The following YIPF5 variants were observed in gnomAD, a reference collection of about 807,000 sequenced individuals.
The protein encoded by YIPF5 is protein YIPF5.
In YIPF5, 8 loss-of-function variants were observed where a neutral mutation model predicts 30.4. The ratio of observed to expected loss-of-function variants is 0.26; its 90% CI spans 0.15 to 0.47. YIPF5 has a LOEUF of 0.47. Ranked by LOEUF, YIPF5 falls within the 20% of genes least tolerant of loss-of-function variation. The pLI, the probability that YIPF5 is intolerant of heterozygous loss-of-function variation, is 0.99. For missense variants in YIPF5, 282 were observed against 301.8 expected, an observed-to-expected ratio of 0.93 and a Z score of 0.49; for synonymous variants, 104 against 107.9, an observed-to-expected ratio of 0.96 and a Z score of 0.23.
chr5:144,163,751 T>C (rs1752117743), intron 4 of YIPF5: 1 of 154,866 alleles, frequency 6.5e-6, no homozygotes, highest in African/African-American at 2.6e-5. Flanking sequence ...GTTTAGAGAT[T>C]TTTAAAAAAA....
chr5:144,167,956 G>A lies in YIPF5; in HGVS notation c.110+1890C>T, dbSNP rs77295833. On this transcript the variant is annotated intron_variant, in intron 2 of 5. Coordinates refer to ENST00000274496, the MANE Select transcript of YIPF5 (RefSeq NM_030799.9). ...AGATTGCAGATCTACTTGAAGGTAC[G>A]CACAGAAGAGTCCAGTTTTTACAAA... is the stretch of plus-strand genomic sequence containing the variant. 4.9e-3 allele frequency among the ~76,000 whole-genome samples: 747 copies of A among 152,274 alleles called. 7 individuals carry two copies. The highest frequency in any genetic ancestry group is 0.017 in the African/African-American group (692 of 41,556).
chr5:144,169,664 GA>G (rs940892359), intron 2 of YIPF5, among the ~76,000 whole-genome samples, 181 bp downstream of exon 2: 13 of 152,130 alleles, frequency 8.5e-5, no homozygotes, highest in Non-Finnish European at 1.5e-4. Flanking sequence ...CTCTTAAATA[GA>G]ACAATACCTT....
Position 144,169,926 on chromosome 5 carries a change from A to G in YIPF5, c.30T>C (p.Asp10=), listed in dbSNP as rs1438237650. MSGFENLNT[D]FYQTSYSIDD... is the part of the protein sequence containing the mutation. ...CGATGCTGTAACTTGTCTGGTAGAAATCCGTGTTTAAGTTTTCAAAGCCTG... is the reference window on the plus strand; with the variant it reads ...CGATGCTGTAACTTGTCTGGTAGAAGTCCGTGTTTAAGTTTTCAAAGCCTG... The change falls in exon 2 of 6, where the codon GAT becomes GAC. Residue 10 remains aspartate (D), a synonymous_variant. Coordinates refer to ENST00000274496, the MANE Select transcript of YIPF5 (RefSeq NM_030799.9). The G allele has an allele frequency of 1.2e-6, 2 of 1,614,106 alleles. No individual in the cohort carries two copies. The highest frequency in any genetic ancestry group is 2.7e-5 in the African/African-American group (2 of 74,934).
chr5:144,162,719 CAAAT>C (rs1346561981), intron 4 of YIPF5, among the ~76,000 whole-genome samples: 1 of 152,106 alleles, frequency 6.6e-6, no homozygotes, highest in Non-Finnish European at 1.5e-5. Context: ...TGATTTTAGG[CAAAT>C]AAACTAGAGA....
At chr5:144,167,318 G>A (rs1334504958) in intron 2 of YIPF5, among the ~76,000 whole-genome samples, 4 of 152,088 alleles carry the variant, frequency 2.6e-5, no homozygotes, top group Admixed American at 2.0e-4. Flanking sequence ...CTAAAACATG[G>A]TATGGCAGAC....
At chr5:144,169,698 A>C (rs1203576470) in intron 2 of YIPF5, 148 bp downstream of exon 2, 7 of 667,924 alleles carry the variant, frequency 1.0e-5, no homozygotes, top group South Asian at 4.1e-5. Context: ...AGTGTCACAT[A>C]TCTCTCTAGA....
intron 1 of YIPF5, 106 bp from the exon 2 acceptor site, chr5:144,170,071 G>T: frequency 1.2e-6 from 1 of 858,860 alleles, no homozygotes; most frequent in Non-Finnish European, 1.9e-6. Flanking sequence ...TATTTTTTCA[G>T]TAATTCGGAG....
rs761418615 is a variant in YIPF5, at chr5:144,158,408, TA to T, written c.*1988del. Reference sequence around the variant, plus strand: ...AAAAAATCTCTACAATAATTTAAACTAAAAATGTTGTTGAGGATAGGGTAAA... The same window carrying T: ...AAAAAATCTCTACAATAATTTAAACTAAAATGTTGTTGAGGATAGGGTAAA... On this transcript the variant is annotated 3_prime_UTR_variant, in exon 6 of 6. Coordinates refer to ENST00000274496, the MANE Select transcript of YIPF5 (RefSeq NM_030799.9). 1 of 1,245,958 alleles carries T rather than the reference TA, an allele frequency of 8.0e-7. No individual in the cohort carries two copies. Among genetic ancestry groups the T allele is most frequent in the South Asian group, 1.3e-5 (1 of 74,402 alleles). 77.2% of individuals were successfully genotyped at this position (1,245,958 alleles called of 1,614,324 possible).
intron 2 of YIPF5, among the ~76,000 whole-genome samples, 189 bp from the exon 3 acceptor site, chr5:144,165,793 A>T (rs1752186327): frequency 6.6e-6 from 1 of 152,134 alleles, no homozygotes; most frequent in African/African-American, 2.4e-5. Flanking sequence ...TATCTACAAT[A>T]AAAAAATCAT....
Position 144,158,840 on chromosome 5 carries a change from G to A in YIPF5, c.*1557C>T. ...GTTATTTCTCTCAACCTCTTTTTAT[G>A]CTTTGAAAACTTGTTCTAAAAAAGA... On this transcript the variant is annotated 3_prime_UTR_variant, in exon 6 of 6. Coordinates refer to ENST00000274496, the MANE Select transcript of YIPF5 (RefSeq NM_030799.9). The A allele has an allele frequency of 1.0e-6, 1 of 982,938 alleles. No individual in the cohort carries two copies. The highest frequency in any genetic ancestry group is 1.2e-6 in the Non-Finnish European group (1 of 828,716). The allele number at this position is 982,938 out of a possible 1,614,324, so 60.9% of individuals were successfully genotyped here.
intron 4 of YIPF5, chr5:144,163,884 T>A (rs745952701): frequency 2.6e-6 from 1 of 389,596 alleles, no homozygotes. Context: ...TTTTTTCCCC[T>A]AATAATTTAA....
rs1752139010 is a variant in YIPF5, at chr5:144,164,359, A to C, written c.284-103T>G. 21 of 1,010,136 alleles carry C rather than the reference A, an allele frequency of 2.1e-5. 1 individual carries two copies. In the South Asian group the frequency reaches 3.5e-4, roughly 17 times the overall value. The allele number at this position is 1,010,136 out of a possible 1,614,324, so 62.6% of individuals were successfully genotyped here. On this transcript the variant is annotated intron_variant, in intron 3 of 5. Transcript: ENST00000274496. ...GAGACAAAATGACATAGCATCAAAA[A>C]AGGATCTAGCAATATTGGATGATAT... is the stretch of plus-strand genomic sequence containing the variant.
chr5:144,168,016 T>C (rs1437330306), intron 2 of YIPF5, among the ~76,000 whole-genome samples: 1 of 152,192 alleles, frequency 6.6e-6, no homozygotes, highest in African/African-American at 2.4e-5. Flanking sequence ...TTACTGTTAA[T>C]ACATTAGGCT....
chr5:144,167,407 CA>C (rs1313650290), intron 2 of YIPF5, among the ~76,000 whole-genome samples: 1 of 152,038 alleles, frequency 6.6e-6, no homozygotes, highest in African/African-American at 2.4e-5. Flanking sequence ...GTACCAGTAA[CA>C]AAGACAAAGC....
At chr5:144,164,918 A>G (rs1752159772) in intron 3 of YIPF5, among the ~76,000 whole-genome samples, 1 of 152,190 alleles carries the variant, frequency 6.6e-6, no homozygotes, top group African/African-American at 2.4e-5. Context: ...CCGGGGGCCC[A>G]TTTAACTGTA....
Position 144,159,032 on chromosome 5 carries a change from A to G in YIPF5, c.*1365T>C. 1.0e-6 allele frequency: 1 copy of G among 984,508 alleles called. No individual in the cohort carries two copies. The highest frequency in any genetic ancestry group is 1.2e-6 in the Non-Finnish European group (1 of 829,114). 61.0% of individuals were successfully genotyped at this position (984,508 alleles called of 1,614,324 possible). On this transcript the variant is annotated 3_prime_UTR_variant, in exon 6 of 6. Coordinates refer to ENST00000274496, the MANE Select transcript of YIPF5 (RefSeq NM_030799.9). ...AGAAAAAGCCAATGATCAGTATACA[A>G]GATACAGTATTTTCCTACAGATTCT...
chr5:144,159,807 C>T lies in YIPF5; in HGVS notation c.*590G>A. On this transcript the variant is annotated 3_prime_UTR_variant, in exon 6 of 6. Transcript: ENST00000274496. ...CACTGCAAGCTCCGCCTCCTGGGTTCACACTTCTCCTGCCTCAGCCTCCTG... is the reference window on the plus strand; with the variant it reads ...CACTGCAAGCTCCGCCTCCTGGGTTTACACTTCTCCTGCCTCAGCCTCCTG... The T allele has an allele frequency of 1.7e-6, 1 of 589,888 alleles. No individual in the cohort carries two copies. Among genetic ancestry groups the T allele is most frequent in the Non-Finnish European group, 2.0e-6 (1 of 492,214 alleles). The allele number at this position is 589,888 out of a possible 1,614,324, so 36.5% of individuals were successfully genotyped here.
intron 4 of YIPF5, 98 bp downstream of exon 4, chr5:144,164,013 A>G: frequency 6.9e-7 from 1 of 1,446,492 alleles, no homozygotes; most frequent in Non-Finnish European, 9.4e-7. Flanking sequence ...CAAAGACTTG[A>G]GGTGTAAAGC....
At position 144,160,399 on chromosome 5, in the gene YIPF5, A is replaced by G. The variant is rs1328821447; in HGVS notation, c.772T>C (p.Ter258ArgextTer18). Reference sequence around the variant, plus strand: ...ATGTCCACATCCCAGATAAATTTTCAAAAGACGGAAATCAGGGCAAAGACT... The same window carrying G: ...ATGTCCACATCCCAGATAAATTTTCGAAAGACGGAAATCAGGGCAAAGACT... Reference protein sequence around the residue: ...YGVFALISVF* With the variant: ...YGVFALISVFR Residue 258 changes from the stop codon to arginine, a stop_lost, in exon 6 of 6, where the codon TGA (stop) becomes CGA (arginine). Coordinates refer to ENST00000274496, the MANE Select transcript of YIPF5 (RefSeq NM_030799.9). 2 of 1,611,644 alleles carry G rather than the reference A, an allele frequency of 1.2e-6. No individual in the cohort carries two copies. The highest frequency in any genetic ancestry group is 2.2e-5 in the East Asian group (1 of 44,834).
Sources: allele counts gnomAD v4.1 joint callset (sites outside exome capture counted in the v4.1 genomes callset), GRCh38; gene constraint gnomAD v4.1.1; transcripts MANE v1.5; gene names NCBI Gene and HGNC (gene_info 2026-07-23, HGNC 2026-07-21).